RBFOX1: variants seen among roughly 807,000 people sequenced by gnomAD.
The protein encoded by RBFOX1 is RNA binding protein fox-1 homolog 1.
In RBFOX1, 8 loss-of-function variants were observed where a neutral mutation model predicts 57.7. The ratio of observed to expected loss-of-function variants is 0.14; its 90% CI spans 0.08 to 0.25. RBFOX1 has a LOEUF of 0.25. RBFOX1 is among the 10% of genes least tolerant of loss of function. The pLI, the probability that RBFOX1 is intolerant of heterozygous loss-of-function variation, is 1.00. For missense variants in RBFOX1, 611 were observed against 548.5 expected (o/e 1.11, Z -1.14); for synonymous variants, 326 against 222.4 (o/e 1.47, Z -4.15).
chr16:7,310,688 C>T (rs1430550615), intron 4 of RBFOX1, among the ~76,000 whole-genome samples: 1 of 152,216 alleles, frequency 6.6e-6, no homozygotes, highest in Non-Finnish European at 1.5e-5. Context: ...TAAACATAGA[C>T]TTGCCCAAAC....
At chr16:7,203,373 G>C (rs2089142926) in intron 4 of RBFOX1, among the ~76,000 whole-genome samples, 1 of 152,194 alleles carries the variant, frequency 6.6e-6, no homozygotes, top group South Asian at 2.1e-4. Context: ...GTGGCTGGTG[G>C]AGAGGAAGGT....
At chr16:5,586,249 A>G (rs1333062059) in intron 2 of RBFOX1, among the ~76,000 whole-genome samples, 1 of 152,192 alleles carries the variant, frequency 6.6e-6, no homozygotes, top group Non-Finnish European at 1.5e-5. Context: ...GGCCTTCAGA[A>G]CTATGAGAGA....
At chr16:5,336,811 G>C (rs1332528067) in intron 1 of RBFOX1, among the ~76,000 whole-genome samples, 1 of 152,176 alleles carries the variant, frequency 6.6e-6, no homozygotes, top group Non-Finnish European at 1.5e-5. Flanking sequence ...ACAACTCTCA[G>C]GTGGACTTTA....
chr16:6,737,561 C>T (rs532907842), intron 3 of RBFOX1, among the ~76,000 whole-genome samples: 1 of 152,158 alleles, frequency 6.6e-6, no homozygotes, highest in Non-Finnish European at 1.5e-5. Flanking sequence ...AGTTTTAAAT[C>T]TGGACTCTGC....
At chr16:5,268,600 T>C (rs1373889960) in intron 1 of RBFOX1, among the ~76,000 whole-genome samples, 1 of 152,224 alleles carries the variant, frequency 6.6e-6, no homozygotes, top group East Asian at 1.9e-4. Flanking sequence ...GAGCAACTGA[T>C]GAAGTCATTT....
intron 1 of RBFOX1, among the ~76,000 whole-genome samples, chr16:6,235,552 G>C (rs1212884044): frequency 1.2e-5 from 1 of 86,250 alleles, no homozygotes; most frequent in Non-Finnish European, 2.5e-5. Context: ...GTGTGTGCGT[G>C]TATGTATGTG....
chr16:6,236,998 C>T (rs2097509947), intron 1 of RBFOX1, among the ~76,000 whole-genome samples: 1 of 152,118 alleles, frequency 6.6e-6, no homozygotes, highest in Admixed American at 6.6e-5. Context: ...TCTAAACAAA[C>T]TCAGGGGACC....
At chr16:5,500,118 CT>C (rs1356241063) in intron 2 of RBFOX1, among the ~76,000 whole-genome samples, 2 of 98,390 alleles carry the variant, frequency 2.0e-5, no homozygotes, top group Admixed American at 8.9e-5. Flanking sequence ...CCTCCCTTCC[CT>C]CCTTCCCTCC....
intron 14 of RBFOX1, among the ~76,000 whole-genome samples, chr16:7,683,229 T>G (rs1021154420): frequency 6.7e-6 from 1 of 149,202 alleles, no homozygotes; most frequent in African/African-American, 2.5e-5. Flanking sequence ...AAATTGGGTT[T>G]ATGCATGTCA....
chr16:6,574,997 C>G (rs2097407391), intron 2 of RBFOX1, among the ~76,000 whole-genome samples: 1 of 150,126 alleles, frequency 6.7e-6, no homozygotes. Flanking sequence ...GAGATGGCAC[C>G]ACTGCACTCC....
At chr16:5,541,093 A>G (rs1053995952) in intron 2 of RBFOX1, among the ~76,000 whole-genome samples, 4 of 152,016 alleles carry the variant, frequency 2.6e-5, no homozygotes, top group African/African-American at 9.7e-5. Flanking sequence ...CAAGTGATCC[A>G]CCTGCCTGGG....
At chr16:7,232,484 C>CT (rs1461417871) in intron 4 of RBFOX1, among the ~76,000 whole-genome samples, 1 of 152,092 alleles carries the variant, frequency 6.6e-6, no homozygotes, top group Admixed American at 6.5e-5. Context: ...ATGCAAATAC[C>CT]TCCCCACACA....
Position 6,559,019 on chromosome 16 carries a change from C to G in RBFOX1, c.-63-95584C>G, listed in dbSNP as rs985722221. Among the ~76,000 whole-genome samples the G allele has an allele frequency of 2.0e-5, 3 of 152,220 alleles. No homozygotes were observed. The East Asian group carries it at 5.8e-4, about 29-fold the overall frequency. On this transcript the variant is annotated intron_variant, in intron 2 of 15. Transcript: ENST00000550418. ...AAAGTCTTTCCTGGAATTCCCACCC[C>G]TAATGCAACTCCAACTCCCTAGGAT...
chr16:7,029,844 A>G (rs1387313682), intron 3 of RBFOX1, among the ~76,000 whole-genome samples: 1 of 152,196 alleles, frequency 6.6e-6, no homozygotes, highest in Admixed American at 6.5e-5. Context: ...TGAAGATGAA[A>G]GAATGATAAC....
At chr16:6,989,470 A>G (rs1410521546) in intron 3 of RBFOX1, among the ~76,000 whole-genome samples, 1 of 152,196 alleles carries the variant, frequency 6.6e-6, no homozygotes, top group Non-Finnish European at 1.5e-5. Flanking sequence ...GTAAGTTAAT[A>G]TCATCCTCTG....
chr16:6,579,408 G>A (rs1285807976), intron 2 of RBFOX1, among the ~76,000 whole-genome samples: 1 of 152,046 alleles, frequency 6.6e-6, no homozygotes, highest in African/African-American at 2.4e-5. Context: ...ATCTCATCTT[G>A]AATTGTAGTT....
At chr16:5,836,607 C>T (rs2056466250) in intron 3 of RBFOX1, among the ~76,000 whole-genome samples, 1 of 152,180 alleles carries the variant, frequency 6.6e-6, no homozygotes, top group Admixed American at 6.5e-5. Context: ...TCTCCATTTC[C>T]CCACCCTGTC....
At chr16:7,493,734 G>C (rs1164053167) in intron 4 of RBFOX1, among the ~76,000 whole-genome samples, 1 of 152,212 alleles carries the variant, frequency 6.6e-6, no homozygotes, top group Non-Finnish European at 1.5e-5. Context: ...AGAGCCTCCA[G>C]AGCCCTGGTG....
intron 4 of RBFOX1, among the ~76,000 whole-genome samples, chr16:7,234,507 C>T (rs566519083): frequency 6.6e-6 from 1 of 151,948 alleles, no homozygotes; most frequent in South Asian, 2.1e-4. Context: ...TGTCTTCTAC[C>T]AGGAATATAA....
Sources: allele counts gnomAD v4.1 joint callset (sites outside exome capture counted in the v4.1 genomes callset), GRCh38; gene constraint gnomAD v4.1.1; transcripts MANE v1.5; gene names NCBI Gene and HGNC (gene_info 2026-07-23, HGNC 2026-07-21).